Variants in MROH2B observed in about 807,000 individuals in gnomAD.
MROH2B encodes the protein maestro heat like repeat family member 2B.
MROH2B carries 177 observed loss-of-function variants against 208.6 expected under a neutral mutation model. The ratio of observed to expected loss-of-function variants is 0.85; its 90% CI spans 0.75 to 0.96. MROH2B has a LOEUF of 0.96. Ranked by LOEUF, MROH2B falls within the 40% of genes least tolerant of loss-of-function variation. MROH2B has a pLI of 0.00. For missense variants in MROH2B, 2,002 were observed against 1,878.7 expected (o/e 1.07, Z -1.21); for synonymous variants, 728 against 659.0 (o/e 1.10, Z -1.60).
rs944936537 is a variant in MROH2B at position 41,032,736 on chromosome 5, A to T, written c.2441+6T>A. ...TTTTCAATGAAAACAACTAAAAATT[A>T]TCTACCTGAGATACCTAATGGCGAT... On this transcript the variant is annotated splice_donor_region_variant and intron_variant, in intron 24 of 41. Transcript: ENST00000399564. 2.4e-5 allele frequency: 39 copies of T among 1,609,910 alleles called. No individual in the cohort carries two copies. The highest frequency in any genetic ancestry group is 3.2e-5 in the Non-Finnish European group (38 of 1,177,398).
intron 34 of MROH2B, among the ~76,000 whole-genome samples, chr5:41,006,332 A>T (rs1427807081): frequency 6.6e-6 from 1 of 151,204 alleles, no homozygotes. Context: ...TAATAATAAT[A>T]AAAAAAAAGG....
At chr5:41,022,844 G>T (rs1364702678) in intron 24 of MROH2B, among the ~76,000 whole-genome samples, 1 of 152,168 alleles carries the variant, frequency 6.6e-6, no homozygotes, top group Non-Finnish European at 1.5e-5. Context: ...CTGAGACGAA[G>T]CTTCCAGTGG....
At chr5:41,011,592 G>C (rs577587483) in intron 30 of MROH2B, among the ~76,000 whole-genome samples, 1 of 152,150 alleles carries the variant, frequency 6.6e-6, no homozygotes, top group African/African-American at 2.4e-5. Context: ...GAGGGTAGTT[G>C]ACTGGACTAT....
chr5:41,017,450 T>G (rs1441036510), intron 28 of MROH2B, among the ~76,000 whole-genome samples: 1 of 152,174 alleles, frequency 6.6e-6, no homozygotes, highest in African/African-American at 2.4e-5. Context: ...TATGCCCAAT[T>G]GCTTAGTGAT....
At chr5:41,045,501 T>C (rs540695004) in intron 18 of MROH2B, among the ~76,000 whole-genome samples, 2 of 152,178 alleles carry the variant, frequency 1.3e-5, no homozygotes, top group Non-Finnish European at 2.9e-5. Context: ...TAGGCACATA[T>C]CTATCTTATC....
In MROH2B at chr5:41,054,851, G is replaced by A. The variant is rs758181429; in HGVS notation, c.1034-11C>T. On this transcript the variant is annotated splice_polypyrimidine_tract_variant and intron_variant, in intron 10 of 41. Coordinates refer to ENST00000399564, the MANE Select transcript of MROH2B (RefSeq NM_173489.5). ...CCCTCAACCTGGGCTCTGAAAGACA[G>A]AGGGAGAAATTGAGAGGCCTGACTC... 1.2e-6 allele frequency: 2 copies of A among 1,602,350 alleles called. No homozygotes were observed. Among genetic ancestry groups the A allele is most frequent in the South Asian group, 2.2e-5 (2 of 88,978 alleles).
chr5:41,054,096 C>G (rs1169844170), intron 11 of MROH2B, among the ~76,000 whole-genome samples: 3 of 152,040 alleles, frequency 2.0e-5, no homozygotes, highest in Non-Finnish European at 4.4e-5. Context: ...TCTTGTGCCT[C>G]AGCCTCATGA....
At chr5:41,005,814 T>C (rs1579902017) in intron 34 of MROH2B, among the ~76,000 whole-genome samples, 169 bp from the exon 35 acceptor site, 1 of 152,152 alleles carries the variant, frequency 6.6e-6, no homozygotes, top group Non-Finnish European at 1.5e-5. Context: ...GTGGATTGCC[T>C]GAGCTCAGGA....
intron 4 of MROH2B, 21 bp downstream of exon 4, chr5:41,065,310 T>G: frequency 1.3e-6 from 2 of 1,592,516 alleles, no homozygotes; most frequent in Non-Finnish European, 1.7e-6. Context: ...CAGGGAAAAT[T>G]GGAGAATATT....
intron 6 of MROH2B, among the ~76,000 whole-genome samples, chr5:41,059,216 A>T (rs1411854753): frequency 6.6e-6 from 1 of 151,856 alleles, no homozygotes; most frequent in African/African-American, 2.4e-5. Flanking sequence ...CTCTCAATCC[A>T]CTAGAATCTT....
intron 21 of MROH2B, among the ~76,000 whole-genome samples, chr5:41,037,189 C>A (rs987120001): frequency 6.6e-6 from 1 of 152,034 alleles, no homozygotes; most frequent in Non-Finnish European, 1.5e-5. Context: ...TGGTTTCAAA[C>A]CCCTGGCCTC....
chr5:41,008,694 G>C lies in MROH2B; in HGVS notation c.3520C>G (p.Leu1174Val). The change falls in exon 33 of 42, where the codon CTG becomes GTG. Residue 1174 changes from leucine (L) to valine (V), a missense_variant. Physicochemically the swap from Leu to Val is conservative, Grantham distance 32. Transcript: ENST00000399564. Reference protein sequence around the residue: ...TLLLKLVSCTLGQKMLTCPWS... With the variant: ...TLLLKLVSCTVGQKMLTCPWS... ...GGACAAGTGAGCATCTTCTGGCCCA[G>C]TGTGCAGCTAACCAGCTTCAGGAGG... 1 of 1,613,922 alleles carries C rather than the reference G, an allele frequency of 6.2e-7. No individual in the cohort carries two copies. The highest frequency in any genetic ancestry group is 8.5e-7 in the Non-Finnish European group (1 of 1,179,846).
chr5:41,006,069 G>C (rs1363210641), intron 34 of MROH2B, among the ~76,000 whole-genome samples: 1 of 151,244 alleles, frequency 6.6e-6, no homozygotes, highest in Non-Finnish European at 1.5e-5. Context: ...AAGAAAAAAG[G>C]GATGCTTGAT....
intron 22 of MROH2B, 98 bp downstream of exon 22, chr5:41,033,740 A>G: frequency 1.0e-6 from 1 of 988,124 alleles, no homozygotes; most frequent in South Asian, 1.6e-5. Flanking sequence ...ATTGGAATCA[A>G]ATCAAAAGGA....
chr5:41,040,527 A>G (rs1742910057), intron 19 of MROH2B, among the ~76,000 whole-genome samples: 1 of 152,244 alleles, frequency 6.6e-6, no homozygotes, highest in African/African-American at 2.4e-5. Context: ...AAGTAGGCTC[A>G]GTGGGTTATG....
chr5:41,026,551 G>A lies in MROH2B; in HGVS notation c.2441+6191C>T, dbSNP rs180729647. ...GAAATAAAAGAGGACACAAACAAAT[G>A]GAAGAACATTCCATGCTCATGGATA... On this transcript the variant is annotated intron_variant, in intron 24 of 41. Coordinates refer to ENST00000399564, the MANE Select transcript of MROH2B (RefSeq NM_173489.5). Among the ~76,000 whole-genome samples the A allele has an allele frequency of 5.0e-4, 76 of 152,290 alleles. 1 individual carries two copies. In the East Asian group the frequency reaches 0.014, roughly 28 times the overall value.
intron 28 of MROH2B, among the ~76,000 whole-genome samples, chr5:41,016,673 G>T (rs992529353): frequency 6.6e-6 from 1 of 151,614 alleles, no homozygotes; most frequent in Non-Finnish European, 1.5e-5. Flanking sequence ...AGACAATGGG[G>T]TTTCACCATG....
Position 41,008,463 on chromosome 5 carries a change from G to A in MROH2B, c.3608+143C>T, listed in dbSNP as rs995870570. The A allele has an allele frequency of 7.0e-6, 6 of 854,608 alleles. No homozygotes were observed. The African/African-American group carries it at 8.5e-5, about 12-fold the overall frequency. 52.9% of individuals were successfully genotyped at this position (854,608 alleles called of 1,614,324 possible). A position where few individuals can be genotyped will look rare whatever the true frequency, so the allele number is the denominator to read the frequency against. ...GAAGAACTATGGTGTCACGGCTTAGGGAGAGTAGAGCCTTGTAGAGCCTTG... is the reference window on the plus strand; with the variant it reads ...GAAGAACTATGGTGTCACGGCTTAGAGAGAGTAGAGCCTTGTAGAGCCTTG... On this transcript the variant is annotated intron_variant, in intron 33 of 41. Transcript: ENST00000399564.
At chr5:41,022,509 C>G (rs1030995501) in intron 24 of MROH2B, among the ~76,000 whole-genome samples, 2 of 152,194 alleles carry the variant, frequency 1.3e-5, no homozygotes, top group Non-Finnish European at 2.9e-5. Flanking sequence ...GGGAGGGGCG[C>G]CCGCCATTGC....
Sources: allele counts gnomAD v4.1 joint callset (sites outside exome capture counted in the v4.1 genomes callset), GRCh38; gene constraint gnomAD v4.1.1; transcripts MANE v1.5; gene names NCBI Gene and HGNC (gene_info 2026-07-23, HGNC 2026-07-21).